TCF7L1: variants seen among roughly 807,000 people sequenced by gnomAD.
The protein encoded by TCF7L1 is transcription factor 7 like 1.
In TCF7L1, 18 loss-of-function variants were observed where a neutral mutation model predicts 63.7. The observed-to-expected ratio is 0.28, with a 90% CI of 0.20 to 0.42. TCF7L1 has a LOEUF of 0.42. Among genes scored for constraint, TCF7L1 ranks in the 10% least tolerant of loss-of-function variants. TCF7L1 has a pLI of 1.00. For missense variants in TCF7L1, 654 were observed against 779.3 expected, an observed-to-expected ratio of 0.84 and a Z score of 1.91; for synonymous variants, 355 against 340.9, an observed-to-expected ratio of 1.04 and a Z score of -0.46.
At chr2:85,181,700 G>T (rs192454655) in intron 3 of TCF7L1, among the ~76,000 whole-genome samples, 1 of 152,204 alleles carries the variant, frequency 6.6e-6, no homozygotes. Context: ...TGACTGGTCC[G>T]TGTGTCTGCA....
chr2:85,147,528 T>C (rs1677909506), intron 3 of TCF7L1, among the ~76,000 whole-genome samples: 1 of 151,146 alleles, frequency 6.6e-6, no homozygotes, highest in Non-Finnish European at 1.5e-5. Flanking sequence ...GCTCTTGGGG[T>C]CCAAGGGGAT....
chr2:85,283,271 C>CCAG (rs1553406735), intron 3 of TCF7L1, among the ~76,000 whole-genome samples: 1 of 150,000 alleles, frequency 6.7e-6, no homozygotes, highest in African/African-American at 2.5e-5. Context: ...CGTGTCCCCC[C>CCAG]CCCCAAAATG....
intron 3 of TCF7L1, among the ~76,000 whole-genome samples, chr2:85,259,264 C>T (rs1558648837): frequency 6.6e-6 from 1 of 152,214 alleles, no homozygotes; most frequent in East Asian, 1.9e-4. Context: ...GTAAGCGCCC[C>T]GCCAATCCCC....
intron 5 of TCF7L1, 37 bp from the exon 6 acceptor site, chr2:85,303,858 C>T (rs765864616): frequency 1.9e-5 from 29 of 1,494,944 alleles, no homozygotes; most frequent in African/African-American, 1.2e-4. Flanking sequence ...TCTGGCAGGG[C>T]GAGGGAACAG....
intron 3 of TCF7L1, among the ~76,000 whole-genome samples, chr2:85,228,877 C>G (rs373861166): frequency 4.8e-4 from 72 of 150,700 alleles, no homozygotes; most frequent in East Asian, 2.5e-3. Context: ...AAAAATTAGC[C>G]GGGGAGGGTG....
intron 3 of TCF7L1, among the ~76,000 whole-genome samples, chr2:85,276,407 T>C (rs1366890081): frequency 6.6e-6 from 1 of 152,186 alleles, no homozygotes; most frequent in East Asian, 1.9e-4. Context: ...TGGGCTCCTG[T>C]GTGGCGGCTT....
chr2:85,229,923 G>A (rs898475384), intron 3 of TCF7L1, among the ~76,000 whole-genome samples: 2 of 152,148 alleles, frequency 1.3e-5, no homozygotes, highest in East Asian at 1.9e-4. Flanking sequence ...CAGGAGGATC[G>A]CTTGAACCTG....
intron 4 of TCF7L1, 149 bp from the exon 5 acceptor site, chr2:85,302,335 C>T: frequency 9.5e-7 from 1 of 1,050,414 alleles, no homozygotes; most frequent in Non-Finnish European, 1.4e-6. Context: ...TCTGCTGTGT[C>T]CACTGCTGTC....
intron 3 of TCF7L1, among the ~76,000 whole-genome samples, chr2:85,265,609 G>A (rs527247058): frequency 4.6e-5 from 7 of 152,260 alleles, no homozygotes; most frequent in African/African-American, 1.4e-4. Context: ...TGTTGCCCAG[G>A]AACCATTGAA....
At chr2:85,194,302 G>A (rs1438005124) in intron 3 of TCF7L1, among the ~76,000 whole-genome samples, 1 of 152,116 alleles carries the variant, frequency 6.6e-6, no homozygotes, top group Non-Finnish European at 1.5e-5. Flanking sequence ...GCCAAGGCGG[G>A]TGGATTACTT....
chr2:85,231,078 C>T (rs746003354), intron 3 of TCF7L1, among the ~76,000 whole-genome samples: 6 of 152,206 alleles, frequency 3.9e-5, no homozygotes, highest in Non-Finnish European at 8.8e-5. Context: ...TTTGGAACAT[C>T]TGCAAGTATC....
At chr2:85,179,361 A>T (rs1281166458) in intron 3 of TCF7L1, among the ~76,000 whole-genome samples, 1 of 152,094 alleles carries the variant, frequency 6.6e-6, no homozygotes, top group Non-Finnish European at 1.5e-5. Flanking sequence ...ACACAAGCTG[A>T]GCTCCATTCC....
At chr2:85,262,133 G>A (rs759975351) in intron 3 of TCF7L1, 22 of 545,106 alleles carry the variant, frequency 4.0e-5, no homozygotes, top group East Asian at 1.5e-4. Flanking sequence ...AATCTCTTCC[G>A]CATCATCTAA....
At chr2:85,162,362 A>G (rs1574084933) in intron 3 of TCF7L1, among the ~76,000 whole-genome samples, 1 of 152,184 alleles carries the variant, frequency 6.6e-6, no homozygotes, top group Non-Finnish European at 1.5e-5. Context: ...AAGTTGGTAC[A>G]CAGGTAGGGT....
intron 3 of TCF7L1, among the ~76,000 whole-genome samples, chr2:85,241,645 A>G (rs1363385948): frequency 6.6e-6 from 1 of 151,788 alleles, no homozygotes; most frequent in Non-Finnish European, 1.5e-5. Flanking sequence ...GGGTTTCACC[A>G]TGTTGGTCAG....
At chr2:85,262,943 A>C (rs1265732218) in intron 3 of TCF7L1, among the ~76,000 whole-genome samples, 2 of 152,138 alleles carry the variant, frequency 1.3e-5, no homozygotes, top group Non-Finnish European at 2.9e-5. Context: ...TGGCTATGGA[A>C]CTCCAGAAAG....
chr2:85,161,500 G>C (rs1420878697), intron 3 of TCF7L1, among the ~76,000 whole-genome samples: 2 of 151,992 alleles, frequency 1.3e-5, no homozygotes, highest in Non-Finnish European at 2.9e-5. Flanking sequence ...TGCCCTCCCC[G>C]GGCTTGCTTC....
chr2:85,212,543 T>G (rs1296713207), intron 3 of TCF7L1, among the ~76,000 whole-genome samples: 1 of 152,146 alleles, frequency 6.6e-6, no homozygotes, highest in Non-Finnish European at 1.5e-5. Flanking sequence ...ATTGATGGAC[T>G]TTTTAGAGGA....
intron 4 of TCF7L1, among the ~76,000 whole-genome samples, chr2:85,287,439 C>T (rs1302953564): frequency 6.6e-6 from 1 of 152,180 alleles, no homozygotes; most frequent in African/African-American, 2.4e-5. Flanking sequence ...GAAAGTTCTA[C>T]ACCCGTAGTT....
Sources: allele counts gnomAD v4.1 joint callset (sites outside exome capture counted in the v4.1 genomes callset), GRCh38; gene constraint gnomAD v4.1.1; transcripts MANE v1.5; gene names NCBI Gene and HGNC (gene_info 2026-07-23, HGNC 2026-07-21).